KIF26B: variants seen among roughly 807,000 people sequenced by gnomAD.
KIF26B encodes kinesin family member 26B.
A neutral mutation model predicts 151.2 loss-of-function variants in KIF26B; 63 were observed. The ratio of observed to expected loss-of-function variants is 0.42; its 90% confidence interval spans 0.34 to 0.51. The LOEUF is 0.51. KIF26B is among the 20% of genes least tolerant of loss of function. The pLI, the probability that KIF26B is intolerant of heterozygous loss-of-function variation, is 0.07. For missense variants in KIF26B, 2,813 were observed against 2,913.6 expected (o/e 0.97, Z 0.79); for synonymous variants, 1,357 against 1,262.1 (o/e 1.08, Z -1.59).
intron 2 of KIF26B, among the ~76,000 whole-genome samples, chr1:245,342,470 G>A (rs1255889899): frequency 6.6e-6 from 1 of 152,152 alleles, no homozygotes; most frequent in Non-Finnish European, 1.5e-5. Flanking sequence ...GAGAGAATGG[G>A]ACCGTCACCC....
intron 2 of KIF26B, among the ~76,000 whole-genome samples, chr1:245,288,964 A>G (rs1446197643): frequency 6.6e-6 from 1 of 152,156 alleles, no homozygotes; most frequent in Non-Finnish European, 1.5e-5. Flanking sequence ...TTCCATGCCT[A>G]TGACACAGGC....
In KIF26B at chr1:245,372,125, A is replaced by C. The variant is rs575815966; in HGVS notation, c.999+4758A>C. Among the ~76,000 whole-genome samples, 4 of 152,014 alleles carry C rather than the reference A, an allele frequency of 2.6e-5. No homozygotes were observed. The South Asian group carries it at 8.3e-4, about 32-fold the overall frequency. On this transcript the variant is annotated intron_variant, in intron 3 of 14. Transcript: ENST00000407071. Reference sequence around the variant, plus strand: ...GGTGACTGGCGGGTGGGTGGGCATTACCTCCTGAGCTCCATCCCCTGTCAG... The same window carrying C: ...GGTGACTGGCGGGTGGGTGGGCATTCCCTCCTGAGCTCCATCCCCTGTCAG...
chr1:245,332,104 C>T (rs187984793), intron 2 of KIF26B, among the ~76,000 whole-genome samples: 17 of 151,922 alleles, frequency 1.1e-4, no homozygotes, highest in Admixed American at 2.0e-4. Flanking sequence ...CCAGCTGGGG[C>T]GACAGAACAA....
chr1:245,517,902 T>C (rs1052921647), intron 4 of KIF26B, among the ~76,000 whole-genome samples: 2 of 146,452 alleles, frequency 1.4e-5, no homozygotes, highest in African/African-American at 5.1e-5. Context: ...AGAATGAGTC[T>C]CACTCTATCG....
intron 2 of KIF26B, among the ~76,000 whole-genome samples, chr1:245,303,293 G>T (rs1436172945): frequency 6.8e-6 from 1 of 146,736 alleles, no homozygotes; most frequent in Non-Finnish European, 1.5e-5. Context: ...CCGCCTCCCG[G>T]GTTCACGCCA....
chr1:245,262,515 G>A (rs555148423), intron 2 of KIF26B, among the ~76,000 whole-genome samples: 2 of 151,824 alleles, frequency 1.3e-5, no homozygotes, highest in African/African-American at 2.4e-5. Flanking sequence ...GTGCAATGGC[G>A]CGATCTTGGC....
chr1:245,293,766 T>C (rs1361168748), intron 2 of KIF26B, among the ~76,000 whole-genome samples: 3 of 152,122 alleles, frequency 2.0e-5, no homozygotes, highest in Non-Finnish European at 4.4e-5. Flanking sequence ...TTAGTAGACA[T>C]GGGGTTTCTC....
At chr1:245,544,387 A>G (rs949636351) in intron 5 of KIF26B, among the ~76,000 whole-genome samples, 8 of 152,118 alleles carry the variant, frequency 5.3e-5, no homozygotes, top group South Asian at 2.1e-4. Context: ...GGAATCTCCA[A>G]CGCTTGAGAT....
chr1:245,263,142 T>C (rs1367057695), intron 2 of KIF26B, among the ~76,000 whole-genome samples: 2 of 152,174 alleles, frequency 1.3e-5, no homozygotes, highest in Non-Finnish European at 2.9e-5. Context: ...CCCAGTACGG[T>C]AGGAGAAACA....
At chr1:245,300,415 A>G (rs1040263272) in intron 2 of KIF26B, among the ~76,000 whole-genome samples, 1 of 152,108 alleles carries the variant, frequency 6.6e-6, no homozygotes, top group Non-Finnish European at 1.5e-5. Context: ...AAGCCAACTC[A>G]TTACTTCTAC....
At position 245,367,921 on chromosome 1, in the gene KIF26B, G is replaced by T. The variant is rs74153556; in HGVS notation, c.999+554G>T. ...GATCATTGTTGTGCCTGTTAACAGA[G>T]ATTTTAGATATTAAGTGAGAGTGAG... On this transcript the variant is annotated intron_variant, in intron 3 of 14. Coordinates refer to ENST00000407071, the MANE Select transcript of KIF26B (RefSeq NM_018012.4). The surrounding 1 kb of genome is among the most constrained non-coding windows in gnomAD (Gnocchi z 4.2). 6.6e-6 allele frequency among the ~76,000 whole-genome samples: 1 copy of T among 152,336 alleles called. No homozygotes were observed. The highest frequency in any genetic ancestry group is 2.4e-5 in the African/African-American group (1 of 41,580).
At chr1:245,386,867 G>A (rs1490666001) in intron 3 of KIF26B, among the ~76,000 whole-genome samples, 1 of 152,180 alleles carries the variant, frequency 6.6e-6, no homozygotes, top group Admixed American at 6.6e-5. Context: ...CTACGTGCCA[G>A]CGGGGAGTAA....
At chr1:245,333,625 CGT>C (rs1443301916) in intron 2 of KIF26B, among the ~76,000 whole-genome samples, 1 of 152,194 alleles carries the variant, frequency 6.6e-6, no homozygotes, top group Non-Finnish European at 1.5e-5. Flanking sequence ...TTTACACACA[CGT>C]GTGTGTGCAC....
In KIF26B at chr1:245,318,940, A is replaced by C. The variant is rs775531337; in HGVS notation, c.466-47894A>C. 2.0e-5 allele frequency among the ~76,000 whole-genome samples: 3 copies of C among 152,230 alleles called. No individual in the cohort carries two copies. Among genetic ancestry groups the C allele is most frequent in the Non-Finnish European group, 4.4e-5 (3 of 68,042 alleles). ...ATTTTACTCCTATTTAGGAAGAAGT[A>C]AACTTTTGTAAACAGGAAGAACACA... On this transcript the variant is annotated intron_variant, in intron 2 of 14. Transcript: ENST00000407071. This position sits in a 1 kb window ranked among gnomAD's most constrained non-coding sequence, Gnocchi z 4.0.
intron 2 of KIF26B, among the ~76,000 whole-genome samples, chr1:245,340,388 G>A (rs912633852): frequency 2.0e-5 from 3 of 151,560 alleles, no homozygotes; most frequent in South Asian, 2.1e-4. Flanking sequence ...AAGTACAGAC[G>A]CAACCATCCT....
At chr1:245,396,645 A>C (rs552250136) in intron 3 of KIF26B, among the ~76,000 whole-genome samples, 1 of 149,370 alleles carries the variant, frequency 6.7e-6, no homozygotes, top group Non-Finnish European at 1.5e-5. Context: ...CAAAAAAAAA[A>C]CAAAAAACAA....
At chr1:245,338,980 T>A (rs1203315596) in intron 2 of KIF26B, among the ~76,000 whole-genome samples, 1 of 69,200 alleles carries the variant, frequency 1.4e-5, no homozygotes, top group African/African-American at 3.6e-5. Context: ...ATTTTGCTTT[T>A]AGGGTTTTTT....
intron 2 of KIF26B, among the ~76,000 whole-genome samples, chr1:245,261,097 TC>T (rs369438956): frequency 6.8e-5 from 10 of 148,134 alleles, no homozygotes; most frequent in African/African-American, 2.5e-4. Context: ...CCTGCTTCCT[TC>T]CTTCCTTCCT....
intron 4 of KIF26B, among the ~76,000 whole-genome samples, chr1:245,520,520 CCATCCATCCATCCATCCATCCACCCATT>C (rs1661069294): frequency 6.0e-3 from 2 of 332 alleles, no homozygotes; most frequent in East Asian, 0.1. Flanking sequence ...ATTCATCCAT[CCATCCATCCATCCATCCATCCACCCATT>C]CATCCATCCA....
Sources: allele counts gnomAD v4.1 joint callset (sites outside exome capture counted in the v4.1 genomes callset), GRCh38; gene constraint gnomAD v4.1.1; non-coding constraint Gnocchi (gnomAD v3.1); transcripts MANE v1.5; gene names NCBI Gene and HGNC (gene_info 2026-07-23, HGNC 2026-07-21).